The following MUC17 variants were observed in gnomAD, a reference collection of about 807,000 sequenced individuals.
The protein encoded by MUC17 is mucin-17.
MUC17 carries 190 observed loss-of-function variants against 170.3 expected under a neutral mutation model. The observed-to-expected ratio is 1.12, with a 90% CI of 0.99 to 1.26. The LOEUF (loss-of-function observed/expected upper bound fraction) is 1.26, where lower values mean the gene tolerates loss of function less well. Among genes scored for constraint, MUC17 ranks in the 50% most tolerant of loss-of-function variants. MUC17 has a pLI of 0.00. For synonymous variants in MUC17, 2,325 were observed against 2,002.5 expected, an observed-to-expected ratio of 1.16 and a Z score of -4.30; for missense variants, 6,415 against 5,530.0, an observed-to-expected ratio of 1.16 and a Z score of -5.08.
At position 101,032,982 on chromosome 7, in the gene MUC17, G is replaced by A. The variant is rs149129669; in HGVS notation, c.1566G>A (p.Pro522=). ...CAAGTATGTCTGTCAGCACCATGCC[G>A]GTGGCCAGTTCTGAGGCTAGCACCC... is the stretch of plus-strand genomic sequence containing the variant. The part of the protein sequence containing the change: ...PLTSMSVSTM[P]VASSEASTLS... The change falls in exon 3 of 13, where the codon CCG becomes CCA. Residue 522 remains proline, a synonymous_variant. Coordinates refer to ENST00000306151, the MANE Select transcript of MUC17 (RefSeq NM_001040105.2). 2.8e-3 allele frequency: 4,561 copies of A among 1,613,570 alleles called. 119 individuals carry two copies. In the African/African-American group the frequency reaches 0.054, roughly 19 times the overall value.
Position 101,032,380 on chromosome 7 carries a change from A to G in MUC17, c.964A>G (p.Thr322Ala). ...TTCATCTCCTACAACGGCTGAAGGC[A>G]CCAGCATACCAACCTCAACTTATAC... ...ASSSPTTAEG[T>A]SIPTSTYTEG... Residue 322 changes from threonine to alanine, a missense_variant, in exon 3 of 13, where the codon ACC becomes GCC. Physicochemically the swap from Thr to Ala is moderately conservative, Grantham distance 58. Transcript: ENST00000306151. 1 of 1,613,636 alleles carries G rather than the reference A, an allele frequency of 6.2e-7. No individual in the cohort carries two copies. The highest frequency in any genetic ancestry group is 8.5e-7 in the Non-Finnish European group (1 of 1,179,884).
intron 1 of MUC17, among the ~76,000 whole-genome samples, chr7:101,020,655 G>A (rs1219379336): frequency 1.3e-5 from 2 of 152,088 alleles, no homozygotes; most frequent in African/African-American, 4.8e-5. Context: ...ACACCCTGCT[G>A]TGTGCCCCAG....
At chr7:101,029,592 T>A (rs888062022) in intron 1 of MUC17, among the ~76,000 whole-genome samples, 1 of 151,624 alleles carries the variant, frequency 6.6e-6, no homozygotes, top group Non-Finnish European at 1.5e-5. Flanking sequence ...TTTTAATTAA[T>A]TTATTATTAT....
At chr7:101,024,208 T>C (rs530640425) in intron 1 of MUC17, among the ~76,000 whole-genome samples, 58 of 152,160 alleles carry the variant, frequency 3.8e-4, no homozygotes, top group Non-Finnish European at 7.2e-4. Context: ...AAGATCAGCC[T>C]GGCCAACCTG....
intron 12 of MUC17, 41 bp from the exon 13 acceptor site, chr7:101,057,962 T>C (rs760951628): frequency 6.2e-7 from 1 of 1,600,010 alleles, no homozygotes; most frequent in South Asian, 1.1e-5. Context: ...CCCAAATTCC[T>C]CATGGGCTGA....
chr7:101,055,876 C>T (rs540682796), intron 11 of MUC17, among the ~76,000 whole-genome samples: 54 of 152,002 alleles, frequency 3.6e-4, no homozygotes, highest in African/African-American at 1.3e-3. Flanking sequence ...ACAAAAATCC[C>T]GTATCTTTGG....
At chr7:101,057,791 G>A (rs1441342823) in intron 12 of MUC17, among the ~76,000 whole-genome samples, 1 of 152,078 alleles carries the variant, frequency 6.6e-6, no homozygotes, top group African/African-American at 2.4e-5. Context: ...GAGGTGGGAG[G>A]ATTGCTTGAG....
chr7:101,032,628 G>C lies in MUC17; in HGVS notation c.1212G>C (p.Leu404Phe), dbSNP rs1028604408. Residue 404 changes from leucine to phenylalanine, a missense_variant, in exon 3 of 13, where the codon TTG (leucine) becomes TTC (phenylalanine). Coordinates refer to ENST00000306151, the MANE Select transcript of MUC17 (RefSeq NM_001040105.2). ...PLTNMPVSTILVASSEASTTS... is the reference protein window; with the variant it reads ...PLTNMPVSTIFVASSEASTTS... ...CAAATATGCCTGTCAGCACCATATT[G>C]GTGGCCAGTTCTGAGGCTAGCACCA... is the stretch of plus-strand genomic sequence containing the variant. The C allele has an allele frequency of 1.2e-6, 2 of 1,610,654 alleles. No individual in the cohort carries two copies. Among genetic ancestry groups the C allele is most frequent in the South Asian group, 1.1e-5 (1 of 90,888 alleles).
chr7:101,042,560 C>A lies in MUC17; in HGVS notation c.11144C>A (p.Ser3715Ter). The A allele has an allele frequency of 1.9e-6, 3 of 1,614,164 alleles. No individual in the cohort carries two copies. The highest frequency in any genetic ancestry group is 2.5e-6 in the Non-Finnish European group (3 of 1,180,028). The change falls in exon 3 of 13, where the codon TCA becomes TAA. Residue 3715 changes from serine to a stop codon, truncating the protein, a stop_gained. Transcript: ENST00000306151. LOFTEE classifies it high-confidence loss of function. ...ACCAGCTCTGAGGGTAGCACCCTTT[C>A]AACACCTTCTGTTGTCACCAGCACA... ...RVTSSEGSTL[S>*]TPSVVTSTPV...
chr7:101,030,778 T>A (rs1794264567), intron 1 of MUC17, among the ~76,000 whole-genome samples: 1 of 151,988 alleles, frequency 6.6e-6, no homozygotes, highest in Admixed American at 6.6e-5. Flanking sequence ...CTCTGTCACC[T>A]AGGCTGGAGT....
rs532968372 is a variant in MUC17 at position 101,032,311 on chromosome 7, C to G, written c.895C>G (p.Pro299Ala). Residue 299 changes from proline to alanine, a missense_variant, in exon 3 of 13, where the codon CCT (proline) becomes GCT (alanine). Pro to Ala is a conservative substitution (Grantham distance 27, BLOSUM62 -1). Coordinates refer to ENST00000306151, the MANE Select transcript of MUC17 (RefSeq NM_001040105.2). The part of the protein sequence containing the change: ...SSEASTLSTT[P>A]AATNIPVITS... ...TGAGGCTAGCACCCTTTCAACAACT[C>G]CTGCTGCCACCAACATTCCTGTGAT... The G allele has an allele frequency of 1.2e-6, 2 of 1,613,942 alleles. No homozygotes were observed. Among genetic ancestry groups the G allele is most frequent in the East Asian group, 4.5e-5 (2 of 44,862 alleles).
At chr7:101,026,351 T>A (rs145960499) in intron 1 of MUC17, among the ~76,000 whole-genome samples, 168 of 152,352 alleles carry the variant, frequency 1.1e-3, no homozygotes, top group African/African-American at 3.8e-3. Flanking sequence ...GGGCTGGCTA[T>A]GGAATCCATG....
rs1337537906 is a variant in MUC17, at chr7:101,037,474, A to G, written c.6058A>G (p.Thr2020Ala). The G allele has an allele frequency of 1.9e-6, 3 of 1,612,238 alleles. No homozygotes were observed. The Admixed American group carries it at 5.0e-5, about 27-fold the overall frequency. The change falls in exon 3 of 13, where the codon ACT (threonine) becomes GCT (alanine). Residue 2020 changes from threonine (T) to alanine (A), a missense_variant. Coordinates refer to ENST00000306151, the MANE Select transcript of MUC17 (RefSeq NM_001040105.2). ...CACCAGCACTCCTGCCACCACTTCT[A>G]CTGAAGGCAGTTCATCTCCTACAAC... ...VDTSTPATTS[T>A]EGSSSPTTAG...
rs752197762 is a variant in MUC17, at chr7:101,051,867, G to A, written c.13008G>A (p.Lys4336=). The A allele has an allele frequency of 2.2e-5, 36 of 1,614,224 alleles. No homozygotes were observed. The East Asian group carries it at 8.0e-4, about 36-fold the overall frequency. Residue 4336 remains lysine (K), a synonymous_variant, in exon 9 of 13, where the codon AAG becomes AAA. Transcript: ENST00000306151. ...TCGTAGTGGAGTACCGGGACCAGAA[G>A]CCATACTGCATCAGCCCCTGTGAGC... The part of the protein sequence containing the change: ...DYFVVEYRDQ[K]PYCISPCEPG...
At chr7:101,031,535 A>G in intron 2 of MUC17, 66 bp from the exon 3 acceptor site, 2 of 1,458,038 alleles carry the variant, frequency 1.4e-6, no homozygotes, top group Non-Finnish European at 1.8e-6. Context: ...CCCAACTACA[A>G]CAATCACTCC....
rs755957951 is a variant in MUC17, at chr7:101,041,000, T to C, written c.9584T>C (p.Val3195Ala). 32 of 1,613,894 alleles carry C rather than the reference T, an allele frequency of 2.0e-5. No individual in the cohort carries two copies. The highest frequency in any genetic ancestry group is 3.3e-4 in the Middle Eastern group (2 of 6,084). ...SATPVDTSTP[V>A]TTSTEATSST... is the part of the protein sequence containing the mutation. ...ACTCCTGTTGACACCAGCACACCTG[T>C]GACCACTTCTACTGAAGCCACTTCA... Residue 3195 changes from valine (V) to alanine (A), a missense_variant, in exon 3 of 13, where the codon GTG (valine) becomes GCG (alanine). Transcript: ENST00000306151.
chr7:101,043,349 G>T lies in MUC17; in HGVS notation c.11933G>T (p.Ser3978Ile). ...GAACTAAACACACCATCAACCTCCA[G>T]TAGTAGTACCACCACATCTTTTTCA... The part of the protein sequence containing the change: ...STELNTPSTS[S>I]SSTTTSFSTT... The change falls in exon 3 of 13, where the codon AGT (serine) becomes ATT (isoleucine). Residue 3978 changes from serine to isoleucine, a missense_variant. Coordinates refer to ENST00000306151, the MANE Select transcript of MUC17 (RefSeq NM_001040105.2). The T allele has an allele frequency of 6.2e-7, 1 of 1,614,140 alleles. No homozygotes were observed. Among genetic ancestry groups the T allele is most frequent in the Non-Finnish European group, 8.5e-7 (1 of 1,180,034 alleles).
At chr7:101,027,298 T>C (rs931882505) in intron 1 of MUC17, among the ~76,000 whole-genome samples, 3 of 152,210 alleles carry the variant, frequency 2.0e-5, no homozygotes, top group Non-Finnish European at 2.9e-5. Context: ...CTAATTTTTA[T>C]ATTTTATATT....
In MUC17 at chr7:101,043,107, A is replaced by G. The variant is rs754983552; in HGVS notation, c.11691A>G (p.Thr3897=). ...TSFPGASIAS[T]PPLDTSTTFT... ...TTCCTGGGGCCAGCATAGCTTCGAC[A>G]CCTCCTCTTGACACAAGCACAACTT... is the stretch of plus-strand genomic sequence containing the variant. Residue 3897 remains threonine (T), a synonymous_variant, in exon 3 of 13, where the codon ACA becomes ACG. Transcript: ENST00000306151. 1 of 1,613,976 alleles carries G rather than the reference A, an allele frequency of 6.2e-7. No homozygotes were observed. Among genetic ancestry groups the G allele is most frequent in the South Asian group, 1.1e-5 (1 of 91,064 alleles).
Sources: gnomAD v4.1 joint callset for allele counts (sites outside exome capture counted in the v4.1 genomes callset) on GRCh38, gnomAD v4.1.1 for gene constraint, MANE v1.5 for transcripts, NCBI Gene and HGNC (gene_info 2026-07-23, HGNC 2026-07-21) for gene names.